SCN2A: variants seen among roughly 807,000 people sequenced by gnomAD.
SCN2A encodes the protein sodium channel protein type 2 subunit alpha.
A neutral mutation model predicts 188.7 loss-of-function variants in SCN2A; 20 were observed. The ratio of observed to expected loss-of-function variants is 0.11; its 90% confidence interval spans 0.07 to 0.15. SCN2A has a LOEUF of 0.15. Ranked by LOEUF, SCN2A falls within the 10% of genes least tolerant of loss-of-function variation. The probability of loss-of-function intolerance (pLI) is 1.00; values close to 1 mark genes in which losing one functional copy is unlikely to be tolerated. For synonymous variants in SCN2A, 804 were observed against 833.1 expected, an observed-to-expected ratio of 0.97 and a Z score of 0.60; for missense variants, 1,278 against 2,445.0, an observed-to-expected ratio of 0.52 and a Z score of 10.07.
At chr2:165,326,799 G>C in intron 12 of SCN2A, 53 bp from the exon 13 acceptor site, 1 of 1,606,596 alleles carries the variant, frequency 6.2e-7, no homozygotes, top group East Asian at 2.2e-5. Context: ...GAATGCTTTG[G>C]GCTTTGCTGC....
chr2:165,347,751 G>A (rs962600063), intron 16 of SCN2A, among the ~76,000 whole-genome samples: 4 of 152,108 alleles, frequency 2.6e-5, no homozygotes, highest in African/African-American at 9.7e-5. Flanking sequence ...CCAAAAATAT[G>A]AAAACAAAGT....
intron 17 of SCN2A, 83 bp from the exon 18 acceptor site, chr2:165,365,060 G>T (rs1345907679): frequency 5.6e-5 from 9 of 161,950 alleles, no homozygotes; most frequent in Non-Finnish European, 7.1e-5. Flanking sequence ...TACAGAAGAT[G>T]GGGGGGGGGC....
chr2:165,240,685 G>GTT (rs1693578180), intron 1 of SCN2A, among the ~76,000 whole-genome samples: 1 of 150,860 alleles, frequency 6.6e-6, no homozygotes, highest in Non-Finnish European at 1.5e-5. Flanking sequence ...GTGTGTGTGT[G>GTT]TGTGTGTGTG....
intron 1 of SCN2A, among the ~76,000 whole-genome samples, chr2:165,282,391 A>G (rs1393500657): frequency 1.3e-5 from 2 of 152,172 alleles, no homozygotes; most frequent in African/African-American, 2.4e-5. Flanking sequence ...GGGGGCAGAC[A>G]TTATCTTCTG....
At chr2:165,316,791 A>G (rs546759043) in intron 11 of SCN2A, among the ~76,000 whole-genome samples, 1 of 152,298 alleles carries the variant, frequency 6.6e-6, no homozygotes, top group African/African-American at 2.4e-5. Context: ...GTTCTGTAGA[A>G]TAGTATTATT....
chr2:165,279,580 A>G (rs982625500), intron 1 of SCN2A, among the ~76,000 whole-genome samples: 1 of 152,146 alleles, frequency 6.6e-6, no homozygotes, highest in African/African-American at 2.4e-5. Flanking sequence ...TTATATATAA[A>G]ATAGATGGAT....
chr2:165,307,951 T>C lies in SCN2A; in HGVS notation c.476+14T>C, dbSNP rs1422393347. On this transcript the variant is annotated intron_variant, in intron 4 of 26. Transcript: ENST00000375437. Reference sequence around the variant, plus strand: ...AAAGAATGTGGAGTAAGTATAAATATTTTTCAATATTGACCTCCCTTTATG... The same window carrying C: ...AAAGAATGTGGAGTAAGTATAAATACTTTTCAATATTGACCTCCCTTTATG... The C allele has an allele frequency of 1.3e-6, 2 of 1,516,502 alleles. No homozygotes were observed. Among genetic ancestry groups the C allele is most frequent in the Non-Finnish European group, 1.8e-6 (2 of 1,091,328 alleles). The allele number at this position is 1,516,502 out of a possible 1,614,324, so 93.9% of individuals were successfully genotyped here.
intron 3 of SCN2A, among the ~76,000 whole-genome samples, chr2:165,300,434 A>C (rs1696746065): frequency 6.6e-6 from 1 of 152,168 alleles, no homozygotes; most frequent in South Asian, 2.1e-4. Context: ...GCTAGTGATA[A>C]GTGTTACTAA....
chr2:165,309,863 C>G (rs1214299218), intron 6 of SCN2A, among the ~76,000 whole-genome samples: 2 of 152,106 alleles, frequency 1.3e-5, no homozygotes, highest in East Asian at 3.9e-4. Context: ...CAGATGTCTT[C>G]CTTTTTTTAA....
chr2:165,286,878 C>T (rs1695859572), intron 1 of SCN2A, among the ~76,000 whole-genome samples: 1 of 152,086 alleles, frequency 6.6e-6, no homozygotes, highest in Admixed American at 6.5e-5. Context: ...TCTAACAACG[C>T]TTTTGGGGAT....
At chr2:165,294,753 T>C (rs1696411826) in intron 1 of SCN2A, among the ~76,000 whole-genome samples, 1 of 152,226 alleles carries the variant, frequency 6.6e-6, no homozygotes, top group South Asian at 2.1e-4. Flanking sequence ...TTGGAATGAC[T>C]GATGTGCTCT....
intron 25 of SCN2A, among the ~76,000 whole-genome samples, chr2:165,383,173 T>C (rs1224575550): frequency 6.6e-5 from 10 of 151,958 alleles, no homozygotes; most frequent in Admixed American, 6.6e-4. Context: ...AGTAATCAAA[T>C]AGTCCTGCCA....
intron 23 of SCN2A, among the ~76,000 whole-genome samples, chr2:165,378,292 C>T (rs1331806449): frequency 1.3e-5 from 2 of 148,810 alleles, no homozygotes; most frequent in African/African-American, 2.4e-5. Flanking sequence ...TTCCCTAGCA[C>T]CAGCAGCTAG....
intron 8 of SCN2A, among the ~76,000 whole-genome samples, chr2:165,312,976 T>C (rs10168945): frequency 7.9e-4 from 121 of 152,270 alleles, no homozygotes; most frequent in Admixed American, 1.2e-3. Flanking sequence ...CATTCCTTGT[T>C]TGTACTGTAC....
chr2:165,290,999 T>C lies in SCN2A; in HGVS notation c.-51-4774T>C, dbSNP rs1458817502. Reference sequence around the variant, plus strand: ...ATAGTAACTCAACAACTCTGCTCTTTGTCATTTCCTGGTGTTTTTTTCTTT... The same window carrying C: ...ATAGTAACTCAACAACTCTGCTCTTCGTCATTTCCTGGTGTTTTTTTCTTT... On this transcript the variant is annotated intron_variant, in intron 1 of 26. Transcript: ENST00000375437. 2.0e-5 allele frequency among the ~76,000 whole-genome samples: 3 copies of C among 151,852 alleles called. No homozygotes were observed. In the East Asian group the frequency reaches 5.8e-4, roughly 29 times the overall value.
At chr2:165,256,743 A>C (rs1694343545) in intron 1 of SCN2A, among the ~76,000 whole-genome samples, 1 of 152,194 alleles carries the variant, frequency 6.6e-6, no homozygotes, top group African/African-American at 2.4e-5. Context: ...TCCTAAAATT[A>C]AAATGTTCTC....
chr2:165,269,617 G>C (rs1695017512), intron 1 of SCN2A: 1 of 151,816 alleles, frequency 6.6e-6, no homozygotes, highest in South Asian at 2.1e-4. Flanking sequence ...CAACAAAAAT[G>C]GTCATTATTA....
chr2:165,271,602 T>C (rs1177427842), intron 1 of SCN2A: 1 of 152,120 alleles, frequency 6.6e-6, no homozygotes, highest in Non-Finnish European at 1.5e-5. Context: ...TAAAATAAAA[T>C]ACAGATATTT....
chr2:165,244,616 TA>T (rs1693765420), intron 1 of SCN2A, among the ~76,000 whole-genome samples: 1 of 152,204 alleles, frequency 6.6e-6, no homozygotes, highest in African/African-American at 2.4e-5. Flanking sequence ...TGTGATAAAA[TA>T]TTTTTGAGGG....
Sources: gnomAD v4.1 joint callset for allele counts (sites outside exome capture counted in the v4.1 genomes callset) on GRCh38, gnomAD v4.1.1 for gene constraint, MANE v1.5 for transcripts, NCBI Gene and HGNC (gene_info 2026-07-23, HGNC 2026-07-21) for gene names.